NMNAT2: variants seen among roughly 807,000 people sequenced by gnomAD.
NMNAT2 encodes the protein nicotinamide/nicotinic acid mononucleotide adenylyltransferase 2.
A neutral mutation model predicts 41.6 loss-of-function variants in NMNAT2; 11 were observed. The observed-to-expected ratio is 0.26, with a 90% CI of 0.17 to 0.44. NMNAT2 has a LOEUF of 0.44. Among genes scored for constraint, NMNAT2 ranks in the 20% least tolerant of loss-of-function variants. NMNAT2 has a pLI of 1.00. For synonymous variants in NMNAT2, 148 were observed against 151.2 expected (o/e 0.98, Z 0.16); for missense variants, 288 against 407.7 (o/e 0.71, Z 2.53).
chr1:183,354,562 C>A (rs1663141483), intron 1 of NMNAT2, among the ~76,000 whole-genome samples: 1 of 151,988 alleles, frequency 6.6e-6, no homozygotes, highest in African/African-American at 2.4e-5. Flanking sequence ...CAGGCATGTG[C>A]CACTATGCCC....
At chr1:183,331,511 G>C (rs1411132050) in intron 1 of NMNAT2, among the ~76,000 whole-genome samples, 2 of 152,208 alleles carry the variant, frequency 1.3e-5, no homozygotes, top group Non-Finnish European at 2.9e-5. Flanking sequence ...CAGGAGCCTG[G>C]AATGTAAACA....
intron 1 of NMNAT2, among the ~76,000 whole-genome samples, chr1:183,405,612 T>A (rs1015314707): frequency 6.6e-6 from 1 of 152,214 alleles, no homozygotes; most frequent in African/African-American, 2.4e-5. Flanking sequence ...AGGGAGGAGC[T>A]AGACAAAACT....
At chr1:183,362,528 T>C (rs143370046) in intron 1 of NMNAT2, among the ~76,000 whole-genome samples, 68 of 152,322 alleles carry the variant, frequency 4.5e-4, no homozygotes, top group African/African-American at 1.6e-3. Context: ...ATACAATAGA[T>C]GACGTTTTGT....
chr1:183,414,910 T>A (rs1189019652), intron 1 of NMNAT2, among the ~76,000 whole-genome samples: 1 of 152,178 alleles, frequency 6.6e-6, no homozygotes, highest in African/African-American at 2.4e-5. Context: ...AATGCCTAAT[T>A]TCAAAGTCTT....
intron 10 of NMNAT2, among the ~76,000 whole-genome samples, chr1:183,257,037 C>A (rs943649866): frequency 1.3e-5 from 2 of 152,122 alleles, no homozygotes; most frequent in African/African-American, 4.8e-5. Context: ...CAGGCATGAG[C>A]CACTGTGCCT....
At chr1:183,320,496 C>G (rs1662336837) in intron 1 of NMNAT2, among the ~76,000 whole-genome samples, 1 of 152,150 alleles carries the variant, frequency 6.6e-6, no homozygotes, top group African/African-American at 2.4e-5. Flanking sequence ...ATGCCAGCTA[C>G]TCGGGAGGCT....
intron 10 of NMNAT2, among the ~76,000 whole-genome samples, chr1:183,260,028 G>T (rs115502426): frequency 0.014 from 2,068 of 152,326 alleles, 20 homozygotes; most frequent in Non-Finnish European, 0.019. Context: ...GGTAGAAACT[G>T]GTAACTGGCC....
At chr1:183,309,275 T>C (rs1245986774) in intron 1 of NMNAT2, among the ~76,000 whole-genome samples, 2 of 152,202 alleles carry the variant, frequency 1.3e-5, no homozygotes, top group African/African-American at 2.4e-5. Context: ...GCTGGAATTA[T>C]AGGCATGAGC....
intron 1 of NMNAT2, among the ~76,000 whole-genome samples, chr1:183,354,262 G>C (rs1007511845): frequency 1.3e-5 from 2 of 152,124 alleles, no homozygotes; most frequent in African/African-American, 4.8e-5. Context: ...AGGCGAAAGA[G>C]ATGAGAGAGG....
chr1:183,292,881 T>G, intron 2 of NMNAT2, 24 bp from the exon 3 acceptor site: 2 of 1,611,910 alleles, frequency 1.2e-6, no homozygotes, highest in Admixed American at 1.7e-5. Flanking sequence ...GAGCAATCAT[T>G]GGGAGACTCC....
chr1:183,310,283 T>C (rs930202195), intron 1 of NMNAT2, among the ~76,000 whole-genome samples: 3 of 152,216 alleles, frequency 2.0e-5, no homozygotes, highest in African/African-American at 7.2e-5. Context: ...ACTGCCCTGA[T>C]CCTGGGACCG....
intron 1 of NMNAT2, among the ~76,000 whole-genome samples, chr1:183,370,259 C>CACACACAT (rs1663505464): frequency 6.7e-6 from 1 of 149,896 alleles, no homozygotes; most frequent in Non-Finnish European, 1.5e-5. Flanking sequence ...CACACACACA[C>CACACACAT]ACACACACAC....
At chr1:183,330,257 C>CTG (rs1292130518) in intron 1 of NMNAT2, among the ~76,000 whole-genome samples, 1 of 152,212 alleles carries the variant, frequency 6.6e-6, no homozygotes, top group Non-Finnish European at 1.5e-5. Flanking sequence ...GCATTTTGAA[C>CTG]AGTGCCTGGC....
intron 1 of NMNAT2, among the ~76,000 whole-genome samples, chr1:183,350,077 A>G (rs527772540): frequency 6.6e-6 from 1 of 152,340 alleles, no homozygotes; most frequent in East Asian, 1.9e-4. Flanking sequence ...TGTGCACCAG[A>G]CATTGTGCAA....
At chr1:183,274,187 A>T (rs1661065609) in intron 8 of NMNAT2, among the ~76,000 whole-genome samples, 1 of 152,108 alleles carries the variant, frequency 6.6e-6, no homozygotes, top group African/African-American at 2.4e-5. Flanking sequence ...CACTGGGATT[A>T]CAGGTGTGAG....
chr1:183,377,981 G>A (rs1297744234), intron 1 of NMNAT2, among the ~76,000 whole-genome samples: 1 of 152,136 alleles, frequency 6.6e-6, no homozygotes, highest in Non-Finnish European at 1.5e-5. Flanking sequence ...TTAACAGTGG[G>A]TTCTTCAGTA....
chr1:183,261,260 C>T lies in NMNAT2; in HGVS notation c.695G>A (p.Arg232Gln), dbSNP rs768849266. 18 of 1,613,990 alleles carry T rather than the reference C, an allele frequency of 1.1e-5. No homozygotes were observed. Among genetic ancestry groups the T allele is most frequent in the Non-Finnish European group, 1.2e-5 (14 of 1,180,036 alleles). Residue 232 changes from arginine to glutamine, a missense_variant, in exon 9 of 11, where the codon CGG (arginine) becomes CAG (glutamine). Coordinates refer to ENST00000287713, the MANE Select transcript of NMNAT2 (RefSeq NM_015039.4). The part of the protein sequence containing the change: ...VGDFGIVVVP[R>Q]DAADTDRIMN... ...GATTCGGTCTGTGTCGGCTGCATCC[C>T]GGGGCACCACCACAATCCCAAAGTC...
Position 183,252,421 on chromosome 1 carries a change from C to A in NMNAT2, c.*220G>T, listed in dbSNP as rs1660412829. 5 of 411,152 alleles carry A rather than the reference C, an allele frequency of 1.2e-5. No individual in the cohort carries two copies. The highest frequency in any genetic ancestry group is 5.0e-5 in the East Asian group (1 of 19,844). 25.5% of individuals were successfully genotyped at this position (411,152 alleles called of 1,614,324 possible). ...TCCCCCGACTCCCACCCCATTCCCT[C>A]ACCCACCCCCAACCCGGAGACTAGA... is the stretch of plus-strand genomic sequence containing the variant. On this transcript the variant is annotated 3_prime_UTR_variant, in exon 11 of 11. Transcript: ENST00000287713.
chr1:183,256,855 G>C (rs1660527552), intron 10 of NMNAT2, among the ~76,000 whole-genome samples: 1 of 152,060 alleles, frequency 6.6e-6, no homozygotes, highest in Non-Finnish European at 1.5e-5. Flanking sequence ...GGGTTCAAGT[G>C]ATTCTTCTGC....
Sources: allele counts gnomAD v4.1 joint callset (sites outside exome capture counted in the v4.1 genomes callset), GRCh38; gene constraint gnomAD v4.1.1; transcripts MANE v1.5; gene names NCBI Gene and HGNC (gene_info 2026-07-23, HGNC 2026-07-21).